CTSV: variants seen among roughly 807,000 people sequenced by gnomAD.
CTSV encodes the protein cathepsin V.
CTSV carries 33 observed loss-of-function variants against 35.6 expected under a neutral mutation model. That is an observed-to-expected ratio of 0.93 (90% CI 0.70 to 1.24). The LOEUF is 1.24. CTSV is among the 50% of genes most tolerant of loss of function. The pLI is 0.00. For synonymous variants in CTSV, 154 were observed against 147.1 expected, an observed-to-expected ratio of 1.05 and a Z score of -0.34; for missense variants, 408 against 413.1, an observed-to-expected ratio of 0.99 and a Z score of 0.11.
At position 97,032,932 on chromosome 9, in the gene CTSV, C is replaced by T; in HGVS notation, c.*17G>A. 6.3e-7 allele frequency: 1 copy of T among 1,592,854 alleles called. No homozygotes were observed. The highest frequency in any genetic ancestry group is 8.6e-7 in the Non-Finnish European group (1 of 1,166,374). The stretch of plus-strand genomic sequence containing the variant: ...GACATGCTGTCCTTAAGTCCTTCCT[C>T]CTCACCATCCATCAGCTCACACATT... On this transcript the variant is annotated 3_prime_UTR_variant, in exon 8 of 8. Transcript: ENST00000259470.
rs1828716355 is a variant in CTSV at position 97,030,135 on chromosome 9, G to A, written c.*2814C>T. 6.6e-6 allele frequency: 1 copy of A among 152,174 alleles called. No individual in the cohort carries two copies. Among genetic ancestry groups the A allele is most frequent in the Admixed American group, 6.5e-5 (1 of 15,270 alleles). 9.4% of individuals were successfully genotyped at this position (152,174 alleles called of 1,614,324 possible). A position where few individuals can be genotyped will look rare whatever the true frequency, so the allele number is the denominator to read the frequency against. ...ACTAATGTTTGTTATTTTTAATACAGAAAAGTTTCTTCTTTGCTTTTTAGA... is the reference window on the plus strand; with the variant it reads ...ACTAATGTTTGTTATTTTTAATACAAAAAAGTTTCTTCTTTGCTTTTTAGA... On this transcript the variant is annotated 3_prime_UTR_variant, in exon 8 of 8. Transcript: ENST00000259470.
At chr9:97,033,609 T>A (rs1828792610) in intron 7 of CTSV, among the ~76,000 whole-genome samples, 1 of 148,652 alleles carries the variant, frequency 6.7e-6, no homozygotes, top group Non-Finnish European at 1.5e-5. Context: ...CAAAACTCCA[T>A]CTCAAAAGAA....
chr9:97,036,313 C>T (rs1027809535), intron 5 of CTSV: 8 of 583,384 alleles, frequency 1.4e-5, no homozygotes, highest in East Asian at 3.0e-5. Flanking sequence ...CCTCGTGATC[C>T]GCCTGTCTCG....
In CTSV at chr9:97,035,710, G is replaced by C. The variant is rs1587734159; in HGVS notation, c.622-17C>G. The stretch of plus-strand genomic sequence containing the variant: ...GATTTCATCCTTTTAAAGTTAAAGG[G>C]GGAGAGACTTGATCACTACCATCTA... On this transcript the variant is annotated splice_polypyrimidine_tract_variant and intron_variant, in intron 5 of 7. Coordinates refer to ENST00000259470, the MANE Select transcript of CTSV (RefSeq NM_001333.4). 1.4e-6 allele frequency: 2 copies of C among 1,444,792 alleles called. No homozygotes were observed. Among genetic ancestry groups the C allele is most frequent in the Non-Finnish European group, 1.8e-6 (2 of 1,085,154 alleles). The allele number at this position is 1,444,792 out of a possible 1,614,324, so 89.5% of individuals were successfully genotyped here.
intron 7 of CTSV, among the ~76,000 whole-genome samples, chr9:97,034,439 A>G (rs2809782): frequency 6.6e-6 from 1 of 152,216 alleles, no homozygotes; most frequent in Non-Finnish European, 1.5e-5. Context: ...GACAGAAAAA[A>G]GCAATCAGCT....
chr9:97,034,990 C>T (rs796284380), intron 6 of CTSV, 147 bp from the exon 7 acceptor site: 19 of 582,962 alleles, frequency 3.3e-5, no homozygotes, highest in East Asian at 5.7e-5. Context: ...CAATATTGGC[C>T]GGAAAACAGT....
chr9:97,032,849 T>C lies in CTSV; in HGVS notation c.*100A>G, dbSNP rs1564073763. 7 of 714,556 alleles carry C rather than the reference T, an allele frequency of 9.8e-6. No individual in the cohort carries two copies. The highest frequency in any genetic ancestry group is 9.0e-6 in the Non-Finnish European group (4 of 445,524). 44.3% of individuals were successfully genotyped at this position (714,556 alleles called of 1,614,324 possible). ...AATCTCAACTTGGATCCTCAATGAT[T>C]CAACTGGTTTATCTTACACAATAAG... On this transcript the variant is annotated 3_prime_UTR_variant, in exon 8 of 8. Transcript: ENST00000259470.
intron 7 of CTSV, 146 bp downstream of exon 7, chr9:97,034,580 C>A: frequency 1.5e-6 from 1 of 646,648 alleles, no homozygotes; most frequent in South Asian, 2.0e-5. Flanking sequence ...AAGCTTGGTA[C>A]GGAATCTTAT....
intron 2 of CTSV, 90 bp downstream of exon 2, chr9:97,037,828 G>A: frequency 6.5e-7 from 1 of 1,527,566 alleles, no homozygotes; most frequent in Non-Finnish European, 9.0e-7. Context: ...GTAAGGTCTG[G>A]TGTCTAGAAG....
intron 6 of CTSV, 62 bp from the exon 7 acceptor site, chr9:97,034,905 C>A: frequency 8.1e-7 from 1 of 1,240,952 alleles, no homozygotes; most frequent in Non-Finnish European, 1.2e-6. Context: ...AGTAACCCAC[C>A]CTACCACCCT....
intron 2 of CTSV, 95 bp downstream of exon 2, chr9:97,037,823 G>T (rs1828882087): frequency 6.6e-7 from 1 of 1,513,016 alleles, no homozygotes; most frequent in Non-Finnish European, 9.1e-7. Flanking sequence ...GCCTGGTAAG[G>T]TCTGGTGTCT....
chr9:97,033,215 G>A (rs528789959), intron 7 of CTSV, among the ~76,000 whole-genome samples, 167 bp from the exon 8 acceptor site: 2 of 152,236 alleles, frequency 1.3e-5, no homozygotes, highest in East Asian at 1.9e-4. Context: ...AGTGGCTCAC[G>A]CCTGCAATCC....
intron 6 of CTSV, 30 bp from the exon 7 acceptor site, chr9:97,034,873 G>A (rs776030369): frequency 4.5e-6 from 7 of 1,565,192 alleles, no homozygotes; most frequent in Non-Finnish European, 2.6e-6. Context: ...GCTGGGGTGA[G>A]AAGCTCCAAG....
In CTSV at chr9:97,036,660, T is replaced by A; in HGVS notation, c.484A>T (p.Ser162Cys). Residue 162 changes from serine to cysteine, a missense_variant, in exon 5 of 8, where the codon AGC becomes TGC. Physicochemically the swap from Ser to Cys is moderately radical, Grantham distance 112. Transcript: ENST00000259470. ...FRKTGKLVSL[S>C]EQNLVDCSRP... ...GAACAGTCCACCAGATTCTGCTCGC[T>A]CAGTGAGACAAGTTTCCCAGTTTTC... 6.2e-7 allele frequency: 1 copy of A among 1,613,914 alleles called. No individual in the cohort carries two copies. Among genetic ancestry groups the A allele is most frequent in the African/African-American group, 1.3e-5 (1 of 74,938 alleles).
chr9:97,036,818 A>C, intron 4 of CTSV, 71 bp from the exon 5 acceptor site: 2 of 1,221,696 alleles, frequency 1.6e-6, no homozygotes, highest in Non-Finnish European at 2.2e-6. Flanking sequence ...TAATTGAATT[A>C]CCTTAATATT....
At chr9:97,036,133 C>A (rs1340759230) in intron 5 of CTSV, among the ~76,000 whole-genome samples, 1 of 150,498 alleles carries the variant, frequency 6.6e-6, no homozygotes, top group Non-Finnish European at 1.5e-5. Context: ...TGTAGTGGTG[C>A]GATCTTGGCT....
Position 97,037,589 on chromosome 9 carries a change from C to T in CTSV, c.153G>A (p.Val51=). 6.2e-7 allele frequency: 1 copy of T among 1,614,160 alleles called. No individual in the cohort carries two copies. The highest frequency in any genetic ancestry group is 8.5e-7 in the Non-Finnish European group (1 of 1,180,018). Reference sequence around the variant, plus strand: ...CAATCATTTTCATATTCTTTTCCCACACTGCTCTCCTCCATCCTTCTTCAT... The same window carrying T: ...CAATCATTTTCATATTCTTTTCCCATACTGCTCTCCTCCATCCTTCTTCAT... The part of the protein sequence containing the change: ...GANEEGWRRA[V]WEKNMKMIEL... The change falls in exon 3 of 8, where the codon GTG becomes GTA. Residue 51 remains valine, a synonymous_variant. Coordinates refer to ENST00000259470, the MANE Select transcript of CTSV (RefSeq NM_001333.4).
chr9:97,032,565 A>C lies in CTSV; in HGVS notation c.*384T>G, dbSNP rs1193142403. On this transcript the variant is annotated 3_prime_UTR_variant, in exon 8 of 8. Transcript: ENST00000259470. ...GCTTTCTGCTAGCATCTTTCTCCTA[A>C]CATACCATTGGCACATGAAGTTATT... The C allele has an allele frequency of 6.2e-6, 1 of 160,418 alleles. No homozygotes were observed. Among genetic ancestry groups the C allele is most frequent in the African/African-American group, 2.4e-5 (1 of 41,768 alleles). The allele number at this position is 160,418 out of a possible 1,614,324, so 9.9% of individuals were successfully genotyped here.
At chr9:97,035,245 A>C (rs1828825916) in intron 6 of CTSV, among the ~76,000 whole-genome samples, 1 of 152,222 alleles carries the variant, frequency 6.6e-6, no homozygotes, top group Non-Finnish European at 1.5e-5. Context: ...GATTCTTTAC[A>C]GTCCTAATTA....
Sources: allele counts gnomAD v4.1 joint callset (sites outside exome capture counted in the v4.1 genomes callset), GRCh38; gene constraint gnomAD v4.1.1; transcripts MANE v1.5; gene names NCBI Gene and HGNC (gene_info 2026-07-23, HGNC 2026-07-21).